Variants in ADAM12 observed in about 807,000 individuals in gnomAD.
The protein encoded by ADAM12 is ADAM metallopeptidase domain 12, also known as disintegrin and metalloproteinase domain-containing protein 12.
ADAM12 carries 70 observed loss-of-function variants against 106.4 expected under a neutral mutation model. The ratio of observed to expected loss-of-function variants is 0.66; its 90% confidence interval spans 0.54 to 0.80. ADAM12 has a LOEUF of 0.80. Ranked by LOEUF, ADAM12 falls within the 30% of genes least tolerant of loss-of-function variation. The probability of loss-of-function intolerance (pLI) is 0.00; values close to 1 mark genes in which losing one functional copy is unlikely to be tolerated. For synonymous variants in ADAM12, 420 were observed against 433.5 expected (o/e 0.97, Z 0.39); for missense variants, 1,010 against 1,171.9 (o/e 0.86, Z 2.02).
chr10:126,073,232 G>A (rs952488057), intron 11 of ADAM12, among the ~76,000 whole-genome samples: 2 of 152,132 alleles, frequency 1.3e-5, no homozygotes, highest in South Asian at 2.1e-4. Flanking sequence ...GGGATTACAG[G>A]CGCCCACCAC....
Position 126,121,088 on chromosome 10 carries a change from T to C in ADAM12, c.417-2864A>G, listed in dbSNP as rs184942779. Among the ~76,000 whole-genome samples, 682 of 69,296 alleles carry C rather than the reference T, an allele frequency of 9.8e-3. 6 individuals are homozygous for C. Among genetic ancestry groups the C allele is most frequent in the African/African-American group, 0.038 (656 of 17,160 alleles). The allele number at this position is 69,296 out of a possible 152,430, so 45.5% of individuals were successfully genotyped here. ...AATTAAATATATTATATATTAGATG[T>C]ATAATATACTATATTATATATAGTA... On this transcript the variant is annotated intron_variant, in intron 5 of 22. Transcript: ENST00000448723.
chr10:126,256,009 G>A (rs1212621880), intron 3 of ADAM12, among the ~76,000 whole-genome samples: 5 of 152,102 alleles, frequency 3.3e-5, no homozygotes, highest in East Asian at 1.9e-4. Flanking sequence ...ATCTTCACTC[G>A]CCCACCACGG....
At chr10:126,037,060 T>C (rs1954073296) in intron 20 of ADAM12, among the ~76,000 whole-genome samples, 1 of 152,208 alleles carries the variant, frequency 6.6e-6, no homozygotes, top group Non-Finnish European at 1.5e-5. Flanking sequence ...GTCTGCTTTC[T>C]GTCACTATCA....
At chr10:126,054,400 G>A (rs878892262) in intron 14 of ADAM12, among the ~76,000 whole-genome samples, 3 of 152,230 alleles carry the variant, frequency 2.0e-5, no homozygotes, top group Non-Finnish European at 4.4e-5. Context: ...GCGCCAAAGC[G>A]CCTTCCCACC....
chr10:126,045,589 C>G (rs938180851), intron 17 of ADAM12, among the ~76,000 whole-genome samples: 4 of 152,206 alleles, frequency 2.6e-5, no homozygotes, highest in Non-Finnish European at 5.9e-5. Context: ...TAAAGGTTCT[C>G]TGAACTAAAA....
chr10:126,332,106 C>G (rs941037452), intron 1 of ADAM12, among the ~76,000 whole-genome samples: 1 of 152,168 alleles, frequency 6.6e-6, no homozygotes, highest in Non-Finnish European at 1.5e-5. Flanking sequence ...ACATCAGCTG[C>G]GGGGCCACGG....
At chr10:126,371,982 A>T (rs762120337) in intron 1 of ADAM12, among the ~76,000 whole-genome samples, 1 of 152,340 alleles carries the variant, frequency 6.6e-6, no homozygotes, top group Middle Eastern at 3.4e-3. Flanking sequence ...TAAGTAAATG[A>T]TATTTGAAAG....
Position 126,038,333 on chromosome 10 carries a change from G to A in ADAM12, c.2257C>T (p.Arg753Trp), listed in dbSNP as rs957157880. The A allele has an allele frequency of 1.1e-5, 17 of 1,600,802 alleles. No homozygotes were observed. Among genetic ancestry groups the A allele is most frequent in the Admixed American group, 8.5e-5 (5 of 58,874 alleles). ...IEKLRCVRPS[R>W]PPRGFQPCQA... The stretch of plus-strand genomic sequence containing the variant: ...CAGGGTTGGAAGCCACGGGGTGGCC[G>A]GGAAGGGCGCACACACCTGCAACAG... Residue 753 changes from arginine (R) to tryptophan (W), a missense_variant, in exon 20 of 23, where the codon CGG (arginine) becomes TGG (tryptophan). This residue lies in a region of ADAM12 where 615 missense variants were observed against 708.5 expected (regional missense o/e 0.87). Coordinates refer to ENST00000448723, the MANE Select transcript of ADAM12 (RefSeq NM_001288973.2).
intron 1 of ADAM12, among the ~76,000 whole-genome samples, chr10:126,376,938 G>A (rs905983779): frequency 7.2e-5 from 11 of 152,208 alleles, no homozygotes; most frequent in African/African-American, 2.7e-4. Context: ...GCCCTGTGGA[G>A]GTAGATATGA....
chr10:126,278,868 G>T, intron 3 of ADAM12, 47 bp downstream of exon 3: 2 of 1,410,140 alleles, frequency 1.4e-6, no homozygotes, highest in South Asian at 1.2e-5. Context: ...TTCTGTCCAT[G>T]GTGTCTTAAC....
chr10:126,381,654 C>T (rs1264483787), intron 1 of ADAM12, among the ~76,000 whole-genome samples: 1 of 151,968 alleles, frequency 6.6e-6, no homozygotes, highest in African/African-American at 2.4e-5. Flanking sequence ...TGACACCATC[C>T]CTGGCTAATT....
chr10:126,043,411 C>T lies in ADAM12; in HGVS notation c.1996-263G>A, dbSNP rs1471787407. Among the ~76,000 whole-genome samples the T allele has an allele frequency of 2.0e-5, 3 of 152,148 alleles. No individual in the cohort carries two copies. The highest frequency in any genetic ancestry group is 4.8e-5 in the African/African-American group (2 of 41,444). The stretch of plus-strand genomic sequence containing the variant: ...ATTATTTGGGTTCATCAGCTTGCCT[C>T]CCCCACCCACCTCACTTCCTTCTCC... On this transcript the variant is annotated intron_variant, in intron 17 of 22. Transcript: ENST00000448723. The surrounding 1 kb of genome is among the most constrained non-coding windows in gnomAD (Gnocchi z 4.1).
At chr10:126,150,537 T>C (rs1956710165) in intron 4 of ADAM12, among the ~76,000 whole-genome samples, 1 of 152,114 alleles carries the variant, frequency 6.6e-6, no homozygotes, top group Non-Finnish European at 1.5e-5. Context: ...ATGGCCTAAG[T>C]GGAAGGGAAA....
chr10:126,189,880 C>T (rs932881822), intron 3 of ADAM12, among the ~76,000 whole-genome samples: 4 of 152,152 alleles, frequency 2.6e-5, no homozygotes, highest in Non-Finnish European at 4.4e-5. Context: ...CCCCAACCCT[C>T]GGACTCCCTA....
intron 1 of ADAM12, among the ~76,000 whole-genome samples, chr10:126,340,863 C>T (rs1302996958): frequency 1.3e-5 from 2 of 151,896 alleles, no homozygotes. Flanking sequence ...TTTATAGGTG[C>T]CCCCACCACG....
rs59824710 is a variant in ADAM12, at chr10:126,121,111, GTATA to G, written c.417-2891_417-2888del. ...TGTATAATATACTATATTATATATA[GTATA>G]TATATAGTATATATACTATATACTA... On this transcript the variant is annotated intron_variant, in intron 5 of 22. Transcript: ENST00000448723. Among the ~76,000 whole-genome samples, 2 of 23,786 alleles carry G rather than the reference GTATA, an allele frequency of 8.4e-5. 1 individual carries two copies. Among genetic ancestry groups the G allele is most frequent in the African/African-American group, 2.6e-4 (2 of 7,638 alleles). The allele number at this position is 23,786 out of a possible 152,430, so 15.6% of individuals were successfully genotyped here.
intron 3 of ADAM12, among the ~76,000 whole-genome samples, chr10:126,257,617 G>A (rs770672631): frequency 1.4e-4 from 21 of 152,172 alleles, no homozygotes; most frequent in Non-Finnish European, 2.9e-4. Context: ...AATATGACCT[G>A]TCACACAATC....
At chr10:126,212,334 A>T (rs528315863) in intron 3 of ADAM12, among the ~76,000 whole-genome samples, 117 of 152,338 alleles carry the variant, frequency 7.7e-4, no homozygotes, top group African/African-American at 2.7e-3. Context: ...TCTAATAATG[A>T]TCATGATGCT....
chr10:126,120,948 T>TAATATAATATATATTATATTACATATGG (rs1565073577), intron 5 of ADAM12, among the ~76,000 whole-genome samples: 11 of 137,044 alleles, frequency 8.0e-5, no homozygotes, highest in African/African-American at 3.0e-4. Context: ...ATTACATATG[T>TAATATAATATATATTATATTACATATGG]AATATAATAT....
Sources: allele counts gnomAD v4.1 joint callset (sites outside exome capture counted in the v4.1 genomes callset), GRCh38; gene constraint gnomAD v4.1.1; regional missense constraint gnomAD v4.1.1; non-coding constraint Gnocchi (gnomAD v3.1); transcripts MANE v1.5; gene names NCBI Gene and HGNC (gene_info 2026-07-23, HGNC 2026-07-21).